Variants in OGDHL observed in about 807,000 individuals in gnomAD.
OGDHL encodes 2-oxoglutarate dehydrogenase-like, mitochondrial.
A neutral mutation model predicts 109.6 loss-of-function variants in OGDHL; 79 were observed. That is an observed-to-expected ratio of 0.72 (90% CI 0.60 to 0.87). OGDHL has a LOEUF of 0.87. OGDHL is among the 40% of genes least tolerant of loss of function. The pLI, the probability that OGDHL is intolerant of heterozygous loss-of-function variation, is 0.00. For synonymous variants in OGDHL, 528 were observed against 537.2 expected, an observed-to-expected ratio of 0.98 and a Z score of 0.24; for missense variants, 1,275 against 1,362.2, an observed-to-expected ratio of 0.94 and a Z score of 1.01.
At chr10:49,755,659 C>T (rs1186625992) in intron 3 of OGDHL, among the ~76,000 whole-genome samples, 1 of 152,124 alleles carries the variant, frequency 6.6e-6, no homozygotes, top group Non-Finnish European at 1.5e-5. Flanking sequence ...TCATCCACAC[C>T]AGGCACAACA....
chr10:49,754,885 G>GT lies in OGDHL; in HGVS notation c.375+1890dup, dbSNP rs1441248885. 7.9e-5 allele frequency among the ~76,000 whole-genome samples: 12 copies of GT among 152,286 alleles called. No homozygotes were observed. In the South Asian group the frequency reaches 1.2e-3, roughly 16 times the overall value. Reference sequence around the variant, plus strand: ...AGGGAACCTGCAAAGTACAAGAGACGTAAGAGCCACTTTAGCCTATTGCAA... The same window carrying GT: ...AGGGAACCTGCAAAGTACAAGAGACGTTAAGAGCCACTTTAGCCTATTGCAA... On this transcript the variant is annotated intron_variant, in intron 3 of 22. Transcript: ENST00000374103.
Position 49,735,090 on chromosome 10 carries a change from T to C in OGDHL, c.*138A>G. On this transcript the variant is annotated 3_prime_UTR_variant, in exon 23 of 23. Coordinates refer to ENST00000374103, the MANE Select transcript of OGDHL (RefSeq NM_018245.3). Reference sequence around the variant, plus strand: ...ACACCAAGGCCAGCAGTGCTGGCTCTTGGCCCTGTCACTGTGTCTGTTTTA... The same window carrying C: ...ACACCAAGGCCAGCAGTGCTGGCTCCTGGCCCTGTCACTGTGTCTGTTTTA... 1 of 1,089,202 alleles carries C rather than the reference T, an allele frequency of 9.2e-7. No homozygotes were observed. The highest frequency in any genetic ancestry group is 1.3e-6 in the Non-Finnish European group (1 of 758,948). The allele number at this position is 1,089,202 out of a possible 1,614,324, so 67.5% of individuals were successfully genotyped here.
At chr10:49,744,252 C>G (rs571360512) in intron 13 of OGDHL, 130 bp from the exon 14 acceptor site, 228 of 1,225,262 alleles carry the variant, frequency 1.9e-4, no homozygotes, top group Middle Eastern at 2.5e-4. Context: ...TCACCCTGAG[C>G]CCACCCTTGG....
intron 8 of OGDHL, among the ~76,000 whole-genome samples, chr10:49,749,460 A>G (rs996259247): frequency 1.6e-4 from 25 of 152,138 alleles, no homozygotes; most frequent in African/African-American, 6.0e-4. Flanking sequence ...AAGCCTTTGC[A>G]TCTTTGGGCT....
intron 7 of OGDHL, 98 bp from the exon 8 acceptor site, chr10:49,749,914 T>C: frequency 9.8e-7 from 1 of 1,025,228 alleles, no homozygotes; most frequent in Non-Finnish European, 1.4e-6. Flanking sequence ...ATACAGCCCC[T>C]TCGTGCCCAG....
At chr10:49,748,840 G>A (rs1313028782) in intron 8 of OGDHL, among the ~76,000 whole-genome samples, 1 of 152,024 alleles carries the variant, frequency 6.6e-6, no homozygotes, top group Non-Finnish European at 1.5e-5. Flanking sequence ...GGGACACAGA[G>A]GAGGGAGTGA....
chr10:49,736,674 T>C (rs1841220676), intron 20 of OGDHL, among the ~76,000 whole-genome samples, 154 bp from the exon 21 acceptor site: 1 of 152,088 alleles, frequency 6.6e-6, no homozygotes, highest in Non-Finnish European at 1.5e-5. Context: ...AACTAAAAGA[T>C]GGAGCAGGGG....
chr10:49,748,491 G>A (rs779124553), intron 8 of OGDHL, among the ~76,000 whole-genome samples: 4 of 152,010 alleles, frequency 2.6e-5, no homozygotes, highest in Non-Finnish European at 4.4e-5. Flanking sequence ...GCTTTGTTCT[G>A]TTTTGTTGTT....
chr10:49,744,085 T>A lies in OGDHL; in HGVS notation c.1770A>T (p.Thr590=). The A allele has an allele frequency of 1.2e-6, 2 of 1,613,882 alleles. No individual in the cohort carries two copies. Among genetic ancestry groups the A allele is most frequent in the South Asian group, 1.1e-5 (1 of 91,052 alleles). Residue 590 remains threonine, a synonymous_variant, in exon 14 of 23, where the codon ACA becomes ACT. Transcript: ENST00000374103. The part of the protein sequence containing the change: ...FNVDGEPKSM[T]CPATGIPEDM... ...CCTCAGGGATCCCCGTGGCTGGGCATGTCATGCTCTTGGGCTCCCCATCTA... is the reference window on the plus strand; with the variant it reads ...CCTCAGGGATCCCCGTGGCTGGGCAAGTCATGCTCTTGGGCTCCCCATCTA...
At chr10:49,742,413 T>TGCC (rs1841813490) in intron 15 of OGDHL, among the ~76,000 whole-genome samples, 2 of 700 alleles carry the variant, frequency 2.9e-3, no homozygotes, top group Admixed American at 0.025. Context: ...ACACACACCA[T>TGCC]ACACACATAC....
intron 17 of OGDHL, 31 bp from the exon 18 acceptor site, chr10:49,738,293 G>A (rs1431957666): frequency 6.2e-7 from 1 of 1,611,060 alleles, no homozygotes; most frequent in Admixed American, 1.7e-5. Flanking sequence ...GCCAAGGCTG[G>A]ACCCCACCAT....
intron 4 of OGDHL, 48 bp from the exon 5 acceptor site, chr10:49,752,296 G>A: frequency 1.4e-6 from 2 of 1,454,442 alleles, no homozygotes; most frequent in Non-Finnish European, 1.9e-6. Flanking sequence ...GTGGAGGGAG[G>A]GAGGTCAGGC....
At chr10:49,760,103 G>A (rs1313737538) in intron 1 of OGDHL, among the ~76,000 whole-genome samples, 2 of 152,280 alleles carry the variant, frequency 1.3e-5, no homozygotes, top group African/African-American at 4.8e-5. Flanking sequence ...AAGGGGTGAT[G>A]TCACCTCAAT....
rs747858481 is a variant in OGDHL at position 49,758,599 on chromosome 10, C to T, written c.-1-6G>A. The T allele has an allele frequency of 6.2e-7, 1 of 1,613,478 alleles. No individual in the cohort carries two copies. Among genetic ancestry groups the T allele is most frequent in the African/African-American group, 1.3e-5 (1 of 75,054 alleles). On this transcript the variant is annotated splice_region_variant and splice_polypyrimidine_tract_variant and intron_variant, in intron 1 of 22. Transcript: ENST00000374103. ...GCAGCCTCAGCTGACTCATTCTGGACACAGGCAATGAAGGAGAGGCATAAA... is the reference window on the plus strand; with the variant it reads ...GCAGCCTCAGCTGACTCATTCTGGATACAGGCAATGAAGGAGAGGCATAAA...
chr10:49,741,954 C>T (rs933850991), intron 15 of OGDHL, among the ~76,000 whole-genome samples: 1 of 115,370 alleles, frequency 8.7e-6, no homozygotes, highest in Non-Finnish European at 2.0e-5. Context: ...TCACACACAC[C>T]ACACACACTA....
chr10:49,740,009 G>C (rs1841529348), intron 16 of OGDHL, among the ~76,000 whole-genome samples, 170 bp from the exon 17 acceptor site: 2 of 152,140 alleles, frequency 1.3e-5, no homozygotes, highest in African/African-American at 4.8e-5. Flanking sequence ...TACCATCCTG[G>C]GGGCTGACAA....
chr10:49,761,877 C>A (rs900190104), intron 1 of OGDHL, among the ~76,000 whole-genome samples: 1 of 152,204 alleles, frequency 6.6e-6, no homozygotes, highest in Non-Finnish European at 1.5e-5. Context: ...GCTGACCCTC[C>A]CCATCCCCCG....
chr10:49,737,750 T>C, intron 20 of OGDHL, 36 bp downstream of exon 20: 3 of 1,612,354 alleles, frequency 1.9e-6, no homozygotes, highest in Non-Finnish European at 1.7e-6. Context: ...ACCGCCCCAT[T>C]GTGGGCTACC....
At position 49,747,156 on chromosome 10, in the gene OGDHL, C is replaced by T. The variant is rs529720691; in HGVS notation, c.1040G>A (p.Arg347His). The T allele has an allele frequency of 2.5e-5, 41 of 1,614,188 alleles. No individual in the cohort carries two copies. Among genetic ancestry groups the T allele is most frequent in the African/African-American group, 1.9e-4 (14 of 75,066 alleles). Residue 347 changes from arginine (R) to histidine (H), a missense_variant, in exon 9 of 23, where the codon CGC becomes CAC. Transcript: ENST00000374103. ...CAGAGTGATGTTCCGGTTGGTGACG[C>T]GGTTGATCCTCTCATGGTACATGCC... ...HLGMYHERIN[R>H]VTNRNITLSL... is the part of the protein sequence containing the mutation.
Sources: allele counts gnomAD v4.1 joint callset (sites outside exome capture counted in the v4.1 genomes callset), GRCh38; gene constraint gnomAD v4.1.1; transcripts MANE v1.5; gene names NCBI Gene and HGNC (gene_info 2026-07-23, HGNC 2026-07-21).